Variants in MYH6 observed in about 807,000 individuals in gnomAD.
MYH6 encodes the protein myosin-6.
Under a neutral mutation model 223.2 loss-of-function variants are expected in MYH6, and 126 were observed. That is an observed-to-expected ratio of 0.56 (90% CI 0.49 to 0.65). The LOEUF (loss-of-function observed/expected upper bound fraction) is 0.65. Ranked by LOEUF, MYH6 falls within the 30% of genes least tolerant of loss-of-function variation. The pLI, the probability that MYH6 is intolerant of heterozygous loss-of-function variation, is 0.00. For synonymous variants in MYH6, 978 were observed against 1,010.2 expected (o/e 0.97, Z 0.61); for missense variants, 2,040 against 2,536.4 (o/e 0.80, Z 4.20).
In MYH6 at chr14:23,397,932, C is replaced by CTCTTCTTCT. The variant is rs55907025; in HGVS notation, c.1892-328_1892-320dup. ...AGTTCTCCTCCTCCTCCTCCTCCTC[C>CTCTTCTTCT]TCTTCTTCTTCTTCTTCTTCTTCTT... On this transcript the variant is annotated intron_variant, in intron 15 of 38. Transcript: ENST00000405093. Among the ~76,000 whole-genome samples, 227 of 90,164 alleles carry CTCTTCTTCT rather than the reference C, an allele frequency of 2.5e-3. 6 individuals are homozygous for CTCTTCTTCT. The highest frequency in any genetic ancestry group is 6.1e-3 in the East Asian group (16 of 2,630). The allele number at this position is 90,164 out of a possible 152,430, so 59.2% of individuals were successfully genotyped here.
rs1162878585 is a variant in MYH6, at chr14:23,397,587, T to G, written c.1918A>C (p.Lys640Gln). ...GTCTGGAAGGATGAGCCCTTTTTCTTGCCTCCTTTGCTTTTACCACTGTCC... is the reference window on the plus strand; with the variant it reads ...GTCTGGAAGGATGAGCCCTTTTTCTGGCCTCCTTTGCTTTTACCACTGTCC... Reference protein sequence around the residue: ...TGDSGKSKGGKKKGSSFQTVS... With the variant: ...TGDSGKSKGGQKKGSSFQTVS... Residue 640 changes from lysine (K) to glutamine (Q), a missense_variant, in exon 16 of 39, where the codon AAG becomes CAG. Lys to Gln is a moderately conservative substitution (Grantham distance 53). This residue lies in a region of MYH6 where 649 missense variants were observed against 877.3 expected (regional missense o/e 0.74). Coordinates refer to ENST00000405093, the MANE Select transcript of MYH6 (RefSeq NM_002471.4). 2 of 1,614,092 alleles carry G rather than the reference T, an allele frequency of 1.2e-6. No homozygotes were observed. The highest frequency in any genetic ancestry group is 8.5e-7 in the Non-Finnish European group (1 of 1,180,048).
At chr14:23,402,301 T>C (rs1484331925) in intron 12 of MYH6, among the ~76,000 whole-genome samples, 163 bp downstream of exon 12, 2 of 152,052 alleles carry the variant, frequency 1.3e-5, no homozygotes, top group Non-Finnish European at 2.9e-5. Flanking sequence ...GTTGGGATTG[T>C]GGTGGACTCT....
rs1891772851 is a variant in MYH6, at chr14:23,405,915, G to A, written c.202-145C>T. ...CCAGTGCCCCGGCCCCTACCCCGAT[G>A]TCCCCTGGGACACTTTCCCCAGGTA... On this transcript the variant is annotated intron_variant, in intron 3 of 38. Coordinates refer to ENST00000405093, the MANE Select transcript of MYH6 (RefSeq NM_002471.4). The surrounding 1 kb of genome is among the most constrained non-coding windows in gnomAD (Gnocchi z 4.7). 7.3e-6 allele frequency: 7 copies of A among 956,184 alleles called. No individual in the cohort carries two copies. The highest frequency in any genetic ancestry group is 2.7e-4 in the Middle Eastern group (1 of 3,770). 59.2% of individuals were successfully genotyped at this position (956,184 alleles called of 1,614,324 possible).
Position 23,385,048 on chromosome 14 carries a change from A to G in MYH6, c.5164-7T>C, listed in dbSNP as rs747979831. The G allele has an allele frequency of 2.5e-6, 4 of 1,614,000 alleles. No homozygotes were observed. The Admixed American group carries it at 5.0e-5, about 20-fold the overall frequency. ...GGTTGATGAGGCTGGTGTTCTAGAC[A>G]TGGAGAGAGAAAAATGATCAAATAT... On this transcript the variant is annotated splice_region_variant and splice_polypyrimidine_tract_variant and intron_variant, in intron 34 of 38. Coordinates refer to ENST00000405093, the MANE Select transcript of MYH6 (RefSeq NM_002471.4).
Position 23,384,435 on chromosome 14 carries a change from G to C in MYH6, c.5565+7C>G. The C allele has an allele frequency of 6.2e-7, 1 of 1,609,138 alleles. No homozygotes were observed. Among genetic ancestry groups the C allele is most frequent in the South Asian group, 1.1e-5 (1 of 91,066 alleles). The stretch of plus-strand genomic sequence containing the variant: ...CATCTACTCCTGGTGTCTGGCGTCC[G>C]CCGCACCTGGTAGGTGAGCTCCTTG... On this transcript the variant is annotated splice_region_variant and intron_variant, in intron 36 of 38. Transcript: ENST00000405093.
intron 12 of MYH6, among the ~76,000 whole-genome samples, 187 bp downstream of exon 12, chr14:23,402,277 G>C (rs929883434): frequency 6.6e-6 from 1 of 152,142 alleles, no homozygotes; most frequent in Non-Finnish European, 1.5e-5. Flanking sequence ...GGTGAGTGCA[G>C]CTGGGGTTGA....
At chr14:23,408,178 C>G (rs1282401453) in intron 1 of MYH6, 75 bp downstream of exon 1, 1 of 951,380 alleles carries the variant, frequency 1.1e-6, no homozygotes, top group Non-Finnish European at 1.3e-6. Context: ...CACCCCACTC[C>G]TGGTGAAGGA....
In MYH6 at chr14:23,393,876, G is replaced by A; in HGVS notation, c.2718C>T (p.Arg906=). 1.2e-6 allele frequency: 2 copies of A among 1,614,178 alleles called. No individual in the cohort carries two copies. The highest frequency in any genetic ancestry group is 8.5e-7 in the Non-Finnish European group (1 of 1,180,042). The stretch of plus-strand genomic sequence containing the variant: ...TCTTGTTTTTGATCAGCTGGTCGCA[G>A]CGCTCCTCAGCATCATTGAGGTTGT... ...EQDNLNDAEE[R]CDQLIKNKIQ... The change falls in exon 22 of 39, where the codon CGC becomes CGT. Residue 906 remains arginine, a synonymous_variant. Coordinates refer to ENST00000405093, the MANE Select transcript of MYH6 (RefSeq NM_002471.4).
intron 10 of MYH6, 73 bp downstream of exon 10, chr14:23,403,275 C>T: frequency 1.6e-6 from 2 of 1,281,474 alleles, no homozygotes; most frequent in East Asian, 2.3e-5. Context: ...CAGGAGGGCC[C>T]TGCCCTGCAT....
At chr14:23,401,011 C>CT (rs751108399) in intron 12 of MYH6, 34 bp from the exon 13 acceptor site, 46,517 of 1,333,844 alleles carry the variant, frequency 0.035, 179 homozygotes, top group African/African-American at 0.099. Flanking sequence ...TGAGCACTTC[C>CT]TTTTTTTTTT....
In MYH6 at chr14:23,387,779, G is replaced by A. The variant is rs773631723; in HGVS notation, c.4504C>T (p.Arg1502Trp). 6.2e-6 allele frequency: 10 copies of A among 1,613,972 alleles called. No individual in the cohort carries two copies. The East Asian group carries it at 8.9e-5, about 14-fold the overall frequency. ...ESLEHLETFK[R>W]ENKNLQEEIS... is the part of the protein sequence containing the mutation. The stretch of plus-strand genomic sequence containing the variant: ...ACACCCTGAAGGTTCTTGTTCTCCC[G>A]CTTGAAGGTCTCTAGGTGCTCCAGG... Residue 1502 changes from arginine (R) to tryptophan (W), a missense_variant, in exon 31 of 39, where the codon CGG (arginine) becomes TGG (tryptophan). This residue lies in a region of MYH6 where 1,203 missense variants were observed against 1,400.2 expected (regional missense o/e 0.86). Coordinates refer to ENST00000405093, the MANE Select transcript of MYH6 (RefSeq NM_002471.4).
chr14:23,382,601 A>G, intron 37 of MYH6, 39 bp from the exon 38 acceptor site: 1 of 1,614,058 alleles, frequency 6.2e-7, no homozygotes, highest in South Asian at 1.1e-5. Flanking sequence ...TGAGCTGGAG[A>G]TGGGCTATGG....
intron 16 of MYH6, 120 bp downstream of exon 16, chr14:23,397,423 G>T (rs1011222914): frequency 5.9e-6 from 8 of 1,345,094 alleles, no homozygotes; most frequent in South Asian, 3.5e-5. Context: ...ACTAAAAAAC[G>T]ACTACGTAGC....
At position 23,396,483 on chromosome 14, in the gene MYH6, C is replaced by A. The variant is rs1223561263; in HGVS notation, c.2293-63G>T. ...AGAGGGGAGTATCCAGGGTGGAAGACCCTGGATGAGCTCCCAGGTGACCCA... is the reference window on the plus strand; with the variant it reads ...AGAGGGGAGTATCCAGGGTGGAAGAACCTGGATGAGCTCCCAGGTGACCCA... On this transcript the variant is annotated intron_variant, in intron 19 of 38. Transcript: ENST00000405093. The A allele has an allele frequency of 3.1e-6, 5 of 1,600,168 alleles. No homozygotes were observed. The African/African-American group carries it at 6.7e-5, about 21-fold the overall frequency.
Position 23,386,043 on chromosome 14 carries a change from A to C in MYH6, c.5048T>G (p.Leu1683Arg). ...IAIVERRNNL[L>R]QAELEELRAV... ...ACGCAGCTCCTCCAGCTCAGCCTGC[A>C]GCAGGTTGTTGCGCCGCTCCACGAT... Residue 1683 changes from leucine (L) to arginine (R), a missense_variant, in exon 34 of 39, where the codon CTG becomes CGG. By Grantham distance (102) the Leu-to-Arg change is moderately radical. Transcript: ENST00000405093. 1 of 1,614,212 alleles carries C rather than the reference A, an allele frequency of 6.2e-7. No individual in the cohort carries two copies. Among genetic ancestry groups the C allele is most frequent in the Non-Finnish European group, 8.5e-7 (1 of 1,180,036 alleles).
At position 23,402,520 on chromosome 14, in the gene MYH6, T is replaced by C; in HGVS notation, c.1085A>G (p.Asn362Ser). 6.2e-7 allele frequency: 1 copy of C among 1,613,738 alleles called. No individual in the cohort carries two copies. The highest frequency in any genetic ancestry group is 1.1e-5 in the South Asian group (1 of 91,056). Reference sequence around the variant, plus strand: ...CCGCTGCTTCTGCTTGAACTTCATGTTCCCGTAGTGCATGATGGCTCCCGT... The same window carrying C: ...CCGCTGCTTCTGCTTGAACTTCATGCTCCCGTAGTGCATGATGGCTCCCGT... ...KLTGAIMHYG[N>S]MKFKQKQREE... The change falls in exon 12 of 39, where the codon AAC (asparagine) becomes AGC (serine). Residue 362 changes from asparagine (N) to serine (S), a missense_variant. By Grantham distance (46) the Asn-to-Ser change is conservative. This residue lies in a region of MYH6 where 649 missense variants were observed against 877.3 expected (regional missense o/e 0.74). Coordinates refer to ENST00000405093, the MANE Select transcript of MYH6 (RefSeq NM_002471.4).
chr14:23,402,869 TG>T, intron 10 of MYH6, 69 bp from the exon 11 acceptor site: 1 of 329,646 alleles, frequency 3.0e-6, no homozygotes, highest in South Asian at 3.5e-5. Flanking sequence ...CAGGTAGAGT[TG>T]GGAAAGGGAG....
Position 23,405,620 on chromosome 14 carries a change from C to T in MYH6, c.345+7G>A, listed in dbSNP as rs433803. ...GGAAGCCTCTGCAGTGTGCAGGAGC[C>T]ACTCACATATATCATCCAGGCCGCG... On this transcript the variant is annotated splice_region_variant and intron_variant, in intron 4 of 38. Transcript: ENST00000405093. The surrounding 1 kb of genome is among the most constrained non-coding windows in gnomAD (Gnocchi z 4.7). The T allele has an allele frequency of 6.2e-7, 1 of 1,614,198 alleles. No individual in the cohort carries two copies. Among genetic ancestry groups the T allele is most frequent in the South Asian group, 1.1e-5 (1 of 91,084 alleles).
chr14:23,405,201 G>T lies in MYH6; in HGVS notation c.502+22C>A. On this transcript the variant is annotated intron_variant, in intron 5 of 38. Coordinates refer to ENST00000405093, the MANE Select transcript of MYH6 (RefSeq NM_002471.4). The surrounding 1 kb of genome is among the most constrained non-coding windows in gnomAD (Gnocchi z 4.7). The stretch of plus-strand genomic sequence containing the variant: ...GTGGGTGTCTGGGAGGAGGAGCAGA[G>T]ACCAGGGGCCACCAGGCTCACCTGT... The T allele has an allele frequency of 6.2e-7, 1 of 1,614,032 alleles. No individual in the cohort carries two copies. The highest frequency in any genetic ancestry group is 1.3e-5 in the African/African-American group (1 of 75,056).
Sources: allele counts gnomAD v4.1 joint callset (sites outside exome capture counted in the v4.1 genomes callset), GRCh38; gene constraint gnomAD v4.1.1; regional missense constraint gnomAD v4.1.1; non-coding constraint Gnocchi (gnomAD v3.1); transcripts MANE v1.5; gene names NCBI Gene and HGNC (gene_info 2026-07-23, HGNC 2026-07-21).